The following IL6ST variants were observed in gnomAD, a reference collection of about 807,000 sequenced individuals.
The protein encoded by IL6ST is interleukin 6 cytokine family signal transducer.
IL6ST carries 24 observed loss-of-function variants against 91.3 expected under a neutral mutation model. The observed-to-expected ratio is 0.26, with a 90% CI of 0.19 to 0.37. The LOEUF is 0.37. IL6ST is among the 10% of genes least tolerant of loss of function. IL6ST has a pLI of 1.00. For missense variants in IL6ST, 914 were observed against 1,078.5 expected (o/e 0.85, Z 2.14); for synonymous variants, 351 against 373.6 (o/e 0.94, Z 0.70).
chr5:55,979,400 TATCTTG>T (rs1362103764), intron 2 of IL6ST, among the ~76,000 whole-genome samples: 2 of 152,228 alleles, frequency 1.3e-5, no homozygotes, highest in Non-Finnish European at 2.9e-5. Context: ...GCATGTTCTG[TATCTTG>T]ATCTGGACAG....
At chr5:55,950,629 A>C (rs1233045205) in intron 14 of IL6ST, among the ~76,000 whole-genome samples, 3 of 151,858 alleles carry the variant, frequency 2.0e-5, no homozygotes, top group Admixed American at 2.0e-4. Context: ...CTAGCAGAAA[A>C]AGTATGGTTA....
chr5:55,991,971 A>G (rs1754359825), intron 1 of IL6ST, among the ~76,000 whole-genome samples: 1 of 152,030 alleles, frequency 6.6e-6, no homozygotes, highest in Admixed American at 6.6e-5. Context: ...CTCCCTACTA[A>G]CCATCCCTGT....
At position 55,941,107 on chromosome 5, in the gene IL6ST, C is replaced by T. The variant is rs980710504; in HGVS notation, c.2732G>A (p.Arg911Gln). The T allele has an allele frequency of 8.7e-6, 14 of 1,613,500 alleles. No homozygotes were observed. Among genetic ancestry groups the T allele is most frequent in the Non-Finnish European group, 1.2e-5 (14 of 1,179,680 alleles). Residue 911 changes from arginine (R) to glutamine (Q), a missense_variant, in exon 17 of 17, where the codon CGG becomes CAG. Arg to Gln is a conservative substitution (Grantham distance 43). Transcript: ENST00000381298. ...MPKSYLPQTV[R>Q]QGGYMPQ ...TCACTGAGGCATGTAGCCGCCTTGC[C>T]GTACAGTCTGTGGTAAGTAACTTTT...
In IL6ST at chr5:55,952,350, C is replaced by T. The variant is rs745705695; in HGVS notation, c.1452G>A (p.Gly484=). 1.9e-6 allele frequency: 3 copies of T among 1,549,284 alleles called. 1 individual carries two copies. The highest frequency in any genetic ancestry group is 2.4e-5 in the South Asian group (2 of 84,400). ...DGTVHRTYLR[G]NLAESKCYLI... is the part of the protein sequence containing the mutation. ...AATAGCATTTGCTCTCTGCTAAGTT[C>T]CCTAAAGCAAGAATAGCAGATTAAG... Residue 484 remains glycine (G), a splice_region_variant and synonymous_variant, in exon 12 of 17, where the codon GGG becomes GGA. Coordinates refer to ENST00000381298, the MANE Select transcript of IL6ST (RefSeq NM_002184.4).
chr5:55,944,278 C>G (rs1362631086), intron 15 of IL6ST, among the ~76,000 whole-genome samples: 4 of 152,092 alleles, frequency 2.6e-5, no homozygotes, highest in Admixed American at 6.5e-5. Context: ...ATTAGAACAA[C>G]TATAATTACT....
intron 1 of IL6ST, among the ~76,000 whole-genome samples, chr5:55,993,493 G>A (rs981688478): frequency 2.6e-5 from 4 of 152,236 alleles, no homozygotes; most frequent in Middle Eastern, 3.4e-3. Context: ...TTTTAGTTAC[G>A]TAAGACTATA....
chr5:55,956,422 G>A (rs1036287419), intron 9 of IL6ST, among the ~76,000 whole-genome samples, 187 bp from the exon 10 acceptor site: 2 of 152,094 alleles, frequency 1.3e-5, no homozygotes, highest in African/African-American at 4.8e-5. Context: ...AAGAGTAAAA[G>A]CATGACCTCA....
intron 3 of IL6ST, among the ~76,000 whole-genome samples, chr5:55,975,088 T>A (rs1753207567): frequency 6.6e-6 from 1 of 152,026 alleles, no homozygotes; most frequent in African/African-American, 2.4e-5. Flanking sequence ...GGGCTCATGA[T>A]TCTCCTGGCT....
chr5:55,964,035 TA>T (rs1452311594), intron 6 of IL6ST, 110 bp downstream of exon 6: 6 of 494,506 alleles, frequency 1.2e-5, no homozygotes, highest in Non-Finnish European at 2.0e-5. Flanking sequence ...CTACATTAAT[TA>T]AAATCTAAAA....
chr5:55,972,853 A>C (rs1753042012), intron 3 of IL6ST, among the ~76,000 whole-genome samples: 1 of 151,860 alleles, frequency 6.6e-6, no homozygotes, highest in African/African-American at 2.4e-5. Context: ...AAAAATACAA[A>C]AATTACCCGG....
Position 55,952,019 on chromosome 5 carries a change from A to G in IL6ST, c.1609T>C (p.Leu537=). The change falls in exon 13 of 17, where the codon TTA becomes CTA. Residue 537 remains leucine, a synonymous_variant. Transcript: ENST00000381298. ...TKKVGKNEAV[L]EWDQLPVDVQ... The stretch of plus-strand genomic sequence containing the variant: ...TCAACAGGAAGTTGGTCCCACTCTA[A>G]GACAGCTTCGTTTTTCCCTACTTTT... The G allele has an allele frequency of 6.2e-7, 1 of 1,612,394 alleles. No homozygotes were observed. The highest frequency in any genetic ancestry group is 8.5e-7 in the Non-Finnish European group (1 of 1,178,534).
Position 55,951,617 on chromosome 5 carries a change from A to C in IL6ST, c.1700-13T>G. The C allele has an allele frequency of 6.2e-7, 1 of 1,606,986 alleles. No individual in the cohort carries two copies. The highest frequency in any genetic ancestry group is 8.5e-7 in the Non-Finnish European group (1 of 1,177,706). On this transcript the variant is annotated splice_polypyrimidine_tract_variant and intron_variant, in intron 13 of 16. Transcript: ENST00000381298. ...TCCACATTCACAGCTGGAAGAAATA[A>C]GAACTGTGCTTCATTCAACTATTCA...
intron 1 of IL6ST, among the ~76,000 whole-genome samples, chr5:55,992,640 A>G (rs998565598): frequency 4.6e-5 from 7 of 152,152 alleles, no homozygotes; most frequent in African/African-American, 1.7e-4. Flanking sequence ...AGCTAGTCCT[A>G]TATTATGTTC....
chr5:55,974,952 C>T (rs1447835577), intron 3 of IL6ST, among the ~76,000 whole-genome samples: 3 of 148,036 alleles, frequency 2.0e-5, no homozygotes, highest in African/African-American at 7.8e-5. Flanking sequence ...CACACACACA[C>T]ACATACACAC....
Position 55,938,712 on chromosome 5 carries a change from TTATTC to T in IL6ST, c.*2365_*2369del. The T allele has an allele frequency of 5.0e-6, 1 of 200,502 alleles. No homozygotes were observed. Among genetic ancestry groups the T allele is most frequent in the Non-Finnish European group, 1.0e-5 (1 of 97,150 alleles). 12.4% of individuals were successfully genotyped at this position (200,502 alleles called of 1,614,324 possible). A position where few individuals can be genotyped will look rare whatever the true frequency, so the allele number is the denominator to read the frequency against. On this transcript the variant is annotated 3_prime_UTR_variant, in exon 17 of 17. Transcript: ENST00000381298. ...CAATTTACATGCATCAACACATAGA[TTATTC>T]TAAGACATGCTTGGGAAAGTAATTT...
chr5:55,950,718 T>C (rs991277888), intron 14 of IL6ST, among the ~76,000 whole-genome samples: 3 of 150,230 alleles, frequency 2.0e-5, no homozygotes, highest in African/African-American at 7.3e-5. Context: ...GGCAGTGGCT[T>C]ATGTCTATAA....
At chr5:55,982,193 AT>A (rs963672832) in intron 2 of IL6ST, among the ~76,000 whole-genome samples, 14 of 151,392 alleles carry the variant, frequency 9.2e-5, no homozygotes, top group African/African-American at 3.1e-4. Context: ...ATGGATTGTG[AT>A]TTTTTTTTCA....
At chr5:55,984,427 C>A (rs1163250119) in intron 1 of IL6ST, among the ~76,000 whole-genome samples, 3 of 152,040 alleles carry the variant, frequency 2.0e-5, no homozygotes, top group Admixed American at 6.6e-5. Context: ...GCCTTTAGTA[C>A]AATATGACTG....
intron 14 of IL6ST, among the ~76,000 whole-genome samples, chr5:55,949,249 G>A (rs1751462255): frequency 1.3e-5 from 2 of 152,128 alleles, no homozygotes; most frequent in Non-Finnish European, 2.9e-5. Context: ...GCTAAGGCAG[G>A]AGGACTGAGG....
Sources: gnomAD v4.1 joint callset for allele counts (sites outside exome capture counted in the v4.1 genomes callset) on GRCh38, gnomAD v4.1.1 for gene constraint, MANE v1.5 for transcripts, NCBI Gene and HGNC (gene_info 2026-07-23, HGNC 2026-07-21) for gene names.